The following MARCHF1 variants were observed in gnomAD, a reference collection of about 807,000 sequenced individuals.
The protein encoded by MARCHF1 is E3 ubiquitin-protein ligase MARCHF1.
In MARCHF1, 40 loss-of-function variants were observed where a neutral mutation model predicts 54.2. That is an observed-to-expected ratio of 0.74 (90% CI 0.57 to 0.96). The LOEUF is 0.96. Among genes scored for constraint, MARCHF1 ranks in the 40% least tolerant of loss-of-function variants. MARCHF1 has a pLI of 0.00. For synonymous variants in MARCHF1, 236 were observed against 236.3 expected (o/e 1.00, Z 0.01); for missense variants, 586 against 656.5 (o/e 0.89, Z 1.17).
intron 7 of MARCHF1, among the ~76,000 whole-genome samples, chr4:163,591,036 CAATA>C (rs1740572829): frequency 6.6e-6 from 1 of 151,144 alleles, no homozygotes; most frequent in South Asian, 2.1e-4. Flanking sequence ...AATTAAGTGA[CAATA>C]ATTATTAATA....
intron 1 of MARCHF1, among the ~76,000 whole-genome samples, chr4:164,174,417 A>G (rs1730609259): frequency 6.6e-6 from 1 of 152,226 alleles, no homozygotes; most frequent in Admixed American, 6.5e-5. Context: ...TTATTTATTA[A>G]GCACTGCGCA....
Position 163,937,539 on chromosome 4 carries a change from G to GCAGGCACA in MARCHF1, c.-39+50961_-39+50962insTGTGCCTG, listed in dbSNP as rs1233698821. 9.8e-4 allele frequency among the ~76,000 whole-genome samples: 148 copies of GCAGGCACA among 151,668 alleles called. 1 individual carries two copies. In the East Asian group the frequency reaches 0.027, roughly 28 times the overall value. On this transcript the variant is annotated intron_variant, in intron 3 of 9. Transcript: ENST00000514618. Reference sequence around the variant, plus strand: ...ATATACATATATATAACACATGCATGCATGCACACATACACACACGCACAC... The same window carrying GCAGGCACA: ...ATATACATATATATAACACATGCATGCAGGCACACATGCACACATACACACACGCACAC...
At chr4:163,723,776 A>C (rs939404720) in intron 4 of MARCHF1, among the ~76,000 whole-genome samples, 13 of 152,034 alleles carry the variant, frequency 8.6e-5, no homozygotes, top group Non-Finnish European at 1.8e-4. Flanking sequence ...CGTTCATTTG[A>C]TCTTCAATCA....
At chr4:163,742,486 T>C in intron 4 of MARCHF1, among the ~76,000 whole-genome samples, 1 of 151,516 alleles carries the variant, frequency 6.6e-6, no homozygotes, top group East Asian at 1.9e-4. Flanking sequence ...TTTCCTTTTC[T>C]TTTTTCTTGA....
intron 3 of MARCHF1, among the ~76,000 whole-genome samples, chr4:163,944,120 C>G (rs1362013775): frequency 6.9e-6 from 1 of 145,460 alleles, no homozygotes; most frequent in East Asian, 2.0e-4. Flanking sequence ...GCACCTGTCA[C>G]TGCACCGGGC....
intron 4 of MARCHF1, among the ~76,000 whole-genome samples, chr4:163,721,599 G>T (rs902513917): frequency 1.3e-5 from 2 of 152,154 alleles, no homozygotes; most frequent in African/African-American, 4.8e-5. Context: ...GTTTCAGAAG[G>T]AATGGTACCA....
At chr4:163,563,861 C>T (rs1412564342) in intron 8 of MARCHF1, among the ~76,000 whole-genome samples, 3 of 152,144 alleles carry the variant, frequency 2.0e-5, no homozygotes, top group Admixed American at 6.5e-5. Context: ...TAAATCTGTG[C>T]GTTTATCGAA....
At chr4:163,812,775 C>CA (rs1748428184) in intron 4 of MARCHF1, among the ~76,000 whole-genome samples, 1 of 151,986 alleles carries the variant, frequency 6.6e-6, no homozygotes, top group East Asian at 1.9e-4. Flanking sequence ...CAACAACAAA[C>CA]AAAAAACAAA....
rs571301999 is a variant in MARCHF1, at chr4:164,051,671, A to T, written c.-248+59917T>A. 2.0e-5 allele frequency among the ~76,000 whole-genome samples: 3 copies of T among 152,320 alleles called. No individual in the cohort carries two copies. The East Asian group carries it at 5.8e-4, about 29-fold the overall frequency. On this transcript the variant is annotated intron_variant, in intron 2 of 9. Coordinates refer to ENST00000514618, the MANE Select transcript of MARCHF1 (RefSeq NM_001394959.1). ...AGGTAGGTAACTTTTCCAAGAACAT[A>T]TAACTACAAAGTAGCAAAGCCAGCA...
At chr4:164,272,783 T>C (rs1246801068) in intron 1 of MARCHF1, among the ~76,000 whole-genome samples, 1 of 151,798 alleles carries the variant, frequency 6.6e-6, no homozygotes, top group East Asian at 1.9e-4. Flanking sequence ...ATGTATTGAA[T>C]GTATTTTTTG....
At chr4:164,031,433 C>CA (rs34945314) in intron 2 of MARCHF1, among the ~76,000 whole-genome samples, 85,374 of 150,116 alleles carry the variant, frequency 0.57, 25,502 homozygotes, top group South Asian at 0.72. Flanking sequence ...ATTTTTTTTT[C>CA]AAAAAAACCA....
intron 1 of MARCHF1, among the ~76,000 whole-genome samples, chr4:164,357,679 A>G (rs1417876490): frequency 6.6e-6 from 1 of 152,184 alleles, no homozygotes. Flanking sequence ...TTTTCAAGGT[A>G]GAAGAAAATC....
intron 4 of MARCHF1, among the ~76,000 whole-genome samples, chr4:163,833,159 T>A (rs1749079316): frequency 1.3e-5 from 2 of 152,132 alleles, no homozygotes; most frequent in South Asian, 4.1e-4. Context: ...CCCTGAGGAA[T>A]CGCCACGCTG....
chr4:164,197,345 T>A, intron 1 of MARCHF1: 32 of 1,612,650 alleles, frequency 2.0e-5, no homozygotes, highest in Non-Finnish European at 2.7e-5. Flanking sequence ...TCGTTCAGGT[T>A]GGTTACCTCG....
intron 5 of MARCHF1, among the ~76,000 whole-genome samples, chr4:163,615,475 T>A (rs1270570130): frequency 6.6e-6 from 1 of 151,974 alleles, no homozygotes; most frequent in African/African-American, 2.4e-5. Flanking sequence ...AAATCCCATT[T>A]ATAATGATGA....
chr4:164,345,573 CATAATA>C (rs5863679), intron 1 of MARCHF1, among the ~76,000 whole-genome samples: 5,722 of 143,328 alleles, frequency 0.04, 120 homozygotes, highest in Non-Finnish European at 0.05. Flanking sequence ...CTGTCTCAAA[CATAATA>C]ATAATAATAA....
intron 3 of MARCHF1, among the ~76,000 whole-genome samples, chr4:163,943,748 T>A (rs1751964467): frequency 8.1e-6 from 1 of 123,522 alleles, no homozygotes; most frequent in African/African-American, 3.0e-5. Flanking sequence ...AAATAGAAGT[T>A]AAAAAAAAAA....
intron 4 of MARCHF1, among the ~76,000 whole-genome samples, chr4:163,831,191 T>C (rs1487491529): frequency 6.6e-6 from 1 of 151,980 alleles, no homozygotes; most frequent in Non-Finnish European, 1.5e-5. Context: ...ACAAAGGGAG[T>C]GGGGGCTAGA....
intron 5 of MARCHF1, among the ~76,000 whole-genome samples, chr4:163,660,179 T>C (rs1743295217): frequency 6.6e-6 from 1 of 151,836 alleles, no homozygotes; most frequent in Non-Finnish European, 1.5e-5. Flanking sequence ...ATAGACTGGA[T>C]AAAGAAAATG....
Sources: allele counts gnomAD v4.1 joint callset (sites outside exome capture counted in the v4.1 genomes callset), GRCh38; gene constraint gnomAD v4.1.1; transcripts MANE v1.5; gene names NCBI Gene and HGNC (gene_info 2026-07-23, HGNC 2026-07-21).